The following RASGRF2 variants were observed in gnomAD, a reference collection of about 807,000 sequenced individuals.
RASGRF2 encodes Ras protein specific guanine nucleotide releasing factor 2, also known as ras-specific guanine nucleotide-releasing factor 2.
RASGRF2 carries 76 observed loss-of-function variants against 151.0 expected under a neutral mutation model. The observed-to-expected ratio is 0.50, with a 90% confidence interval of 0.42 to 0.61. The LOEUF (loss-of-function observed/expected upper bound fraction) is 0.61, where lower values mean the gene tolerates loss of function less well. RASGRF2 is among the 20% of genes least tolerant of loss of function. The pLI is 0.00. For missense variants in RASGRF2, 1,148 were observed against 1,564.6 expected, an observed-to-expected ratio of 0.73 and a Z score of 4.49; for synonymous variants, 504 against 566.5, an observed-to-expected ratio of 0.89 and a Z score of 1.57.
rs191611006 is a variant in RASGRF2 at position 81,030,280 on chromosome 5, A to G, written c.289-12597A>G. On this transcript the variant is annotated intron_variant, in intron 1 of 26. Transcript: ENST00000265080. ...ATCTAGCAAGGCAGGCCAACATTCA[A>G]ATTCAGGAAATACAGAGAGTGCCAC... Among the ~76,000 whole-genome samples the G allele has an allele frequency of 3.3e-5, 5 of 152,280 alleles. No individual in the cohort carries two copies. In the East Asian group the frequency reaches 9.6e-4, roughly 29 times the overall value.
intron 1 of RASGRF2, among the ~76,000 whole-genome samples, chr5:80,967,715 T>G (rs1424728999): frequency 3.9e-5 from 6 of 152,286 alleles, no homozygotes; most frequent in African/African-American, 1.4e-4. Flanking sequence ...AGAGGGACTG[T>G]TGAAAAGCTA....
chr5:81,078,981 C>T (rs567431556), intron 5 of RASGRF2, among the ~76,000 whole-genome samples: 1 of 152,294 alleles, frequency 6.6e-6, no homozygotes, highest in Admixed American at 6.5e-5. Context: ...AGCTGGTTCC[C>T]AGAAACTAGA....
At chr5:81,029,529 G>C (rs1357975085) in intron 1 of RASGRF2, among the ~76,000 whole-genome samples, 1 of 152,210 alleles carries the variant, frequency 6.6e-6, no homozygotes, top group Non-Finnish European at 1.5e-5. Context: ...TGATACACAG[G>C]CAAACAGGGT....
intron 1 of RASGRF2, among the ~76,000 whole-genome samples, chr5:81,022,954 T>G (rs1749883358): frequency 6.6e-6 from 1 of 152,042 alleles, no homozygotes; most frequent in Admixed American, 6.6e-5. Flanking sequence ...TGAAACCAAA[T>G]GGGCAAGGGC....
chr5:80,984,255 T>C (rs955464215), intron 1 of RASGRF2, among the ~76,000 whole-genome samples: 6 of 152,226 alleles, frequency 3.9e-5, no homozygotes, highest in Admixed American at 3.9e-4. Flanking sequence ...GGTTTTGCCA[T>C]GTTGGCTCAG....
chr5:81,030,318 C>G (rs1245469337), intron 1 of RASGRF2, among the ~76,000 whole-genome samples: 2 of 152,008 alleles, frequency 1.3e-5, no homozygotes, highest in African/African-American at 4.8e-5. Flanking sequence ...AGATACTCCT[C>G]GAGAAGAGCA....
intron 1 of RASGRF2, among the ~76,000 whole-genome samples, chr5:80,983,307 A>G (rs72769227): frequency 0.2 from 31,025 of 152,176 alleles, 3,883 homozygotes; most frequent in Middle Eastern, 0.39. Context: ...TGGACTCTCC[A>G]TCTGGGAGTC....
intron 1 of RASGRF2, among the ~76,000 whole-genome samples, chr5:81,016,693 T>G (rs1166315393): frequency 6.6e-6 from 1 of 152,090 alleles, no homozygotes; most frequent in Non-Finnish European, 1.5e-5. Context: ...AAAATAGAAA[T>G]AAAGGAAGAA....
chr5:80,996,077 C>T (rs1280331361), intron 1 of RASGRF2, among the ~76,000 whole-genome samples: 1 of 152,120 alleles, frequency 6.6e-6, no homozygotes, highest in Non-Finnish European at 1.5e-5. Context: ...TCTCTTCCTC[C>T]TCCTCCTCCT....
chr5:81,024,092 G>A (rs1749924737), intron 1 of RASGRF2, among the ~76,000 whole-genome samples: 1 of 152,072 alleles, frequency 6.6e-6, no homozygotes, highest in Admixed American at 6.6e-5. Flanking sequence ...GCTCATGACT[G>A]TCTGGGAAGC....
intron 1 of RASGRF2, among the ~76,000 whole-genome samples, chr5:81,017,561 G>C (rs1749677813): frequency 6.6e-6 from 1 of 152,236 alleles, no homozygotes; most frequent in South Asian, 2.1e-4. Context: ...TTGTTCCTCA[G>C]AAGATGCGGA....
chr5:80,978,310 G>A (rs1748192350), intron 1 of RASGRF2, among the ~76,000 whole-genome samples: 1 of 151,996 alleles, frequency 6.6e-6, no homozygotes, highest in Admixed American at 6.5e-5. Flanking sequence ...TTTTTAAAAA[G>A]CAGTTTTTTA....
Position 81,036,902 on chromosome 5 carries a change from G to A in RASGRF2, c.289-5975G>A, listed in dbSNP as rs538374268. ...CTTAGGAAGGGATTTGTATTAGTTC[G>A]TTCTCATGCTGCTAATAAAGACATA... On this transcript the variant is annotated intron_variant, in intron 1 of 26. Coordinates refer to ENST00000265080, the MANE Select transcript of RASGRF2 (RefSeq NM_006909.3). 3.9e-5 allele frequency among the ~76,000 whole-genome samples: 6 copies of A among 152,186 alleles called. No individual in the cohort carries two copies. The South Asian group carries it at 6.2e-4, about 16-fold the overall frequency.
At chr5:80,988,658 T>C (rs1455020289) in intron 1 of RASGRF2, among the ~76,000 whole-genome samples, 1 of 152,208 alleles carries the variant, frequency 6.6e-6, no homozygotes, top group African/African-American at 2.4e-5. Flanking sequence ...TCTGCTTTCA[T>C]CTCTTAATGA....
At chr5:81,214,623 C>T (rs751323898) in intron 23 of RASGRF2, among the ~76,000 whole-genome samples, 4 of 152,224 alleles carry the variant, frequency 2.6e-5, no homozygotes, top group Non-Finnish European at 5.9e-5. Context: ...ACTGGGAAGA[C>T]AGCCCTTTGC....
At chr5:81,023,916 CTT>C (rs1178518954) in intron 1 of RASGRF2, among the ~76,000 whole-genome samples, 4 of 152,212 alleles carry the variant, frequency 2.6e-5, no homozygotes, top group Non-Finnish European at 4.4e-5. Flanking sequence ...AGTTTTGACT[CTT>C]TTCCTCTCAA....
intron 1 of RASGRF2, among the ~76,000 whole-genome samples, chr5:80,979,406 G>C (rs1357208862): frequency 6.6e-6 from 1 of 152,078 alleles, no homozygotes; most frequent in African/African-American, 2.4e-5. Context: ...AAGTGCCTAG[G>C]GTTGTTATTA....
intron 17 of RASGRF2, among the ~76,000 whole-genome samples, chr5:81,128,366 A>G (rs528597006): frequency 2.0e-4 from 31 of 152,316 alleles, no homozygotes; most frequent in African/African-American, 7.5e-4. Context: ...ACGTACATCA[A>G]AACATCACAT....
intron 17 of RASGRF2, among the ~76,000 whole-genome samples, chr5:81,155,150 CAGTTAA>C (rs1754231271): frequency 6.6e-6 from 1 of 152,030 alleles, no homozygotes; most frequent in Non-Finnish European, 1.5e-5. Flanking sequence ...ATATGGGATT[CAGTTAA>C]GTAGTGTTTA....
Sources: allele counts gnomAD v4.1 joint callset (sites outside exome capture counted in the v4.1 genomes callset), GRCh38; gene constraint gnomAD v4.1.1; transcripts MANE v1.5; gene names NCBI Gene and HGNC (gene_info 2026-07-23, HGNC 2026-07-21).